CES5A: variants seen among roughly 807,000 people sequenced by gnomAD.
CES5A encodes carboxylesterase 5A, also known as carboxylesterase 5.
A neutral mutation model predicts 62.9 loss-of-function variants in CES5A; 67 were observed. The observed-to-expected ratio is 1.07, with a 90% confidence interval of 0.88 to 1.31. CES5A has a LOEUF of 1.31. CES5A is among the 50% of genes most tolerant of loss of function. The pLI is 0.00. For missense variants in CES5A, 748 were observed against 708.5 expected, an observed-to-expected ratio of 1.06 and a Z score of -0.63; for synonymous variants, 296 against 280.8, an observed-to-expected ratio of 1.05 and a Z score of -0.54.
chr16:55,903,493 T>G (rs1487990332), intron 1 of CES5A, among the ~76,000 whole-genome samples: 1 of 152,236 alleles, frequency 6.6e-6, no homozygotes, highest in Non-Finnish European at 1.5e-5. Context: ...TGAGGAGACC[T>G]AGGCAAGTCA....
intron 2 of CES5A, among the ~76,000 whole-genome samples, chr16:55,938,735 CAAAAAAAAAAA>C (rs1171756916): frequency 3.4e-5 from 1 of 29,130 alleles, no homozygotes; most frequent in South Asian, 2.8e-3. Flanking sequence ...GACTCCATCT[CAAAAAAAAAAA>C]AAAAAAAAAA....
At chr16:55,934,932 T>G (rs2034354654) in intron 2 of CES5A, among the ~76,000 whole-genome samples, 1 of 152,112 alleles carries the variant, frequency 6.6e-6, no homozygotes, top group South Asian at 2.1e-4. Flanking sequence ...TGTTTTGGGT[T>G]TTTTTGTTTT....
chr16:55,945,960 AC>A (rs2034490487), intron 2 of CES5A, among the ~76,000 whole-genome samples: 1 of 151,830 alleles, frequency 6.6e-6, no homozygotes, highest in Non-Finnish European at 1.5e-5. Context: ...GCAATTCCCC[AC>A]CCTGCATGGA....
At chr16:55,881,876 C>A (rs1325584318) in intron 1 of CES5A, among the ~76,000 whole-genome samples, 3 of 152,104 alleles carry the variant, frequency 2.0e-5, no homozygotes, top group African/African-American at 7.2e-5. Flanking sequence ...GGTTGTGCTG[C>A]ATAACCAGAG....
At chr16:55,846,735 C>T (rs1302047852) in intron 12 of CES5A, 33 bp downstream of exon 12, 2 of 1,613,700 alleles carry the variant, frequency 1.2e-6, no homozygotes, top group African/African-American at 1.3e-5. Flanking sequence ...CACCCCAGGC[C>T]TTGGCATGGG....
At chr16:55,871,521 C>T (rs1181896360) in intron 3 of CES5A, 104 bp downstream of exon 3, 1 of 1,305,000 alleles carries the variant, frequency 7.7e-7, no homozygotes, top group Non-Finnish European at 1.1e-6. Flanking sequence ...TTCCCTTTTA[C>T]CCAACAGGGG....
intron 1 of CES5A, among the ~76,000 whole-genome samples, chr16:55,910,902 C>G (rs551325776): frequency 6.7e-6 from 1 of 148,684 alleles, no homozygotes; most frequent in Non-Finnish European, 1.5e-5. Flanking sequence ...GTACCAGGGT[C>G]TGATGGGTGT....
intron 1 of CES5A, among the ~76,000 whole-genome samples, chr16:55,896,249 C>T (rs1236619412): frequency 2.0e-5 from 3 of 152,164 alleles, no homozygotes; most frequent in Admixed American, 6.5e-5. Flanking sequence ...TGAGAACAGC[C>T]TGGGAAAGAC....
intron 2 of CES5A, among the ~76,000 whole-genome samples, chr16:55,932,009 T>C (rs2034318190): frequency 6.6e-6 from 1 of 152,232 alleles, no homozygotes; most frequent in Non-Finnish European, 1.5e-5. Flanking sequence ...TCATGAGGGC[T>C]ATGCCTTCAT....
At chr16:55,885,128 C>T (rs1216197323) in intron 1 of CES5A, among the ~76,000 whole-genome samples, 5 of 152,218 alleles carry the variant, frequency 3.3e-5, no homozygotes, top group African/African-American at 9.6e-5. Flanking sequence ...GCCTACTCTA[C>T]TGCCTTTGTA....
At chr16:55,906,233 T>G (rs8043776) in intron 1 of CES5A, among the ~76,000 whole-genome samples, 4,757 of 152,152 alleles carry the variant, frequency 0.031, 151 homozygotes, top group East Asian at 0.11. Flanking sequence ...TGACTGAGAT[T>G]GTCCCTGTTT....
At chr16:55,954,901 G>A (rs1180813003) in intron 1 of CES5A, among the ~76,000 whole-genome samples, 1 of 152,178 alleles carries the variant, frequency 6.6e-6, no homozygotes, top group East Asian at 1.9e-4. Context: ...CAATGGCAAA[G>A]CCTGGCTTCT....
At chr16:55,880,099 C>T (rs1355651202), upstream of CES5A, among the ~76,000 whole-genome samples, 2 of 152,210 alleles carry the variant, frequency 1.3e-5, no homozygotes, top group Non-Finnish European at 2.9e-5. Flanking sequence ...ATGACTAAGA[C>T]AAGGACCATG....
intron 1 of CES5A, among the ~76,000 whole-genome samples, chr16:55,950,264 C>A (rs1427839978): frequency 6.6e-6 from 1 of 152,106 alleles, no homozygotes; most frequent in Non-Finnish European, 1.5e-5. Flanking sequence ...AAGAAAAGTC[C>A]TAAATTTAAC....
chr16:55,849,586 G>A, intron 11 of CES5A, 38 bp downstream of exon 11: 1 of 1,608,104 alleles, frequency 6.2e-7, no homozygotes, highest in Non-Finnish European at 8.5e-7. Flanking sequence ...GTAAGCAAGG[G>A]GCTTCATGTG....
At chr16:55,921,255 G>A (rs2034201200) in intron 1 of CES5A, among the ~76,000 whole-genome samples, 1 of 152,076 alleles carries the variant, frequency 6.6e-6, no homozygotes, top group Admixed American at 6.5e-5. Flanking sequence ...TCTAGGTATA[G>A]GAAGATCAGA....
chr16:55,921,931 C>A (rs1411064042), intron 1 of CES5A, among the ~76,000 whole-genome samples: 1 of 151,786 alleles, frequency 6.6e-6, no homozygotes, highest in Non-Finnish European at 1.5e-5. Context: ...TGTTTCTATT[C>A]TTTTCTTGGT....
intron 1 of CES5A, among the ~76,000 whole-genome samples, chr16:55,893,282 A>G (rs1378550570): frequency 6.6e-6 from 1 of 152,196 alleles, no homozygotes; most frequent in Admixed American, 6.5e-5. Context: ...TAAATTGATC[A>G]GATCAGACCT....
chr16:55,942,102 T>C (rs2034452035), intron 2 of CES5A, among the ~76,000 whole-genome samples: 1 of 152,098 alleles, frequency 6.6e-6, no homozygotes, highest in South Asian at 2.1e-4. Flanking sequence ...GACCTAAGCA[T>C]AAAAGTGAAA....
Sources: gnomAD v4.1 joint callset for allele counts (sites outside exome capture counted in the v4.1 genomes callset) on GRCh38, gnomAD v4.1.1 for gene constraint, MANE v1.5 for transcripts, NCBI Gene and HGNC (gene_info 2026-07-23, HGNC 2026-07-21) for gene names.